CBLB: variants seen among roughly 807,000 people sequenced by gnomAD.
CBLB encodes Cbl proto-oncogene B, also known as E3 ubiquitin-protein ligase CBL-B.
CBLB carries 31 observed loss-of-function variants against 104.9 expected under a neutral mutation model. The observed-to-expected ratio is 0.30, with a 90% CI of 0.22 to 0.40. The LOEUF is 0.40. Ranked by LOEUF, CBLB falls within the 10% of genes least tolerant of loss-of-function variation. CBLB has a pLI of 1.00. For synonymous variants in CBLB, 440 were observed against 422.6 expected (o/e 1.04, Z -0.51); for missense variants, 1,062 against 1,214.6 (o/e 0.87, Z 1.87).
Position 105,867,482 on chromosome 3 carries a change from T to G in CBLB, c.96A>C (p.Ala32=). ...ILGIIDAIQD[A]VGPPKQAAAD... ...CGGCAGCTTGCTTAGGGGGTCCAAC[T>G]GCATCCTGAATAGCATCAATAATAC... The change falls in exon 2 of 19, where the codon GCA becomes GCC. Residue 32 remains alanine (A), a synonymous_variant. Coordinates refer to ENST00000394030, the MANE Select transcript of CBLB (RefSeq NM_170662.5). 6.2e-7 allele frequency: 1 copy of G among 1,614,184 alleles called. No individual in the cohort carries two copies.
At chr3:105,861,772 CCCTT>C (rs1021856775) in intron 2 of CBLB, among the ~76,000 whole-genome samples, 2 of 150,344 alleles carry the variant, frequency 1.3e-5, no homozygotes, top group Non-Finnish European at 3.0e-5. Flanking sequence ...TAACAGAACT[CCCTT>C]CCTTTTCATT....
intron 5 of CBLB, among the ~76,000 whole-genome samples, chr3:105,750,907 A>T (rs959130733): frequency 6.6e-6 from 1 of 152,200 alleles, no homozygotes; most frequent in South Asian, 2.1e-4. Context: ...ATGACAAGGG[A>T]ACTGATGAAG....
upstream of CBLB, chr3:105,869,434 C>CT (rs1706783750): frequency 7.6e-7 from 1 of 1,321,014 alleles, no homozygotes; most frequent in Admixed American, 2.3e-5. Context: ...CCTTCCTAGT[C>CT]TTTTGTTTCA....
intron 17 of CBLB, among the ~76,000 whole-genome samples, chr3:105,677,831 A>T (rs920209691): frequency 1.7e-4 from 25 of 149,280 alleles, no homozygotes; most frequent in Middle Eastern, 3.6e-3. Flanking sequence ...TACATATGTA[A>T]ATAATAATAT....
At chr3:105,821,247 G>GATAGCT (rs1560397636) in intron 3 of CBLB, among the ~76,000 whole-genome samples, 34 of 127,448 alleles carry the variant, frequency 2.7e-4, no homozygotes, top group Non-Finnish European at 4.6e-4. Flanking sequence ...TTAAAGATCA[G>GATAGCT]ATATCTATAT....
chr3:105,780,670 T>TTTTTTTTTTTTTTTG (rs1560209728), intron 3 of CBLB, among the ~76,000 whole-genome samples: 2 of 135,174 alleles, frequency 1.5e-5, no homozygotes, highest in Admixed American at 7.8e-5. Context: ...GTTTTTTTTT[T>TTTTTTTTTTTTTTTG]TTTTTTTTTT....
chr3:105,689,127 A>G (rs1225996470), intron 13 of CBLB, among the ~76,000 whole-genome samples: 1 of 151,992 alleles, frequency 6.6e-6, no homozygotes, highest in Non-Finnish European at 1.5e-5. Flanking sequence ...CTAGCTGACA[A>G]TATACAATAT....
At chr3:105,776,029 A>AT (rs940825292) in intron 4 of CBLB, among the ~76,000 whole-genome samples, 9 of 152,124 alleles carry the variant, frequency 5.9e-5, no homozygotes, top group South Asian at 4.1e-4. Flanking sequence ...TACTTATGCC[A>AT]TTTTTTAAAG....
chr3:105,777,430 G>A (rs2079614389), intron 3 of CBLB, among the ~76,000 whole-genome samples: 2 of 152,182 alleles, frequency 1.3e-5, no homozygotes. Context: ...AGAGCCCAGA[G>A]TTTGAGACCA....
intron 4 of CBLB, among the ~76,000 whole-genome samples, chr3:105,773,067 T>C (rs2152956982): frequency 6.6e-6 from 1 of 152,294 alleles, no homozygotes. Context: ...AGTCATTATA[T>C]GAAAAAGACA....
intron 14 of CBLB, among the ~76,000 whole-genome samples, chr3:105,682,749 T>C (rs1649753564): frequency 6.6e-6 from 1 of 152,100 alleles, no homozygotes; most frequent in Non-Finnish European, 1.5e-5. Context: ...GTGATCTGCC[T>C]ACCTCACCCT....
chr3:105,738,531 A>G (rs1250997867), intron 7 of CBLB, among the ~76,000 whole-genome samples: 1 of 152,074 alleles, frequency 6.6e-6, no homozygotes, highest in Non-Finnish European at 1.5e-5. Context: ...TTAAAAAAAT[A>G]TTATATAAAA....
chr3:105,839,087 C>G (rs1047321402), intron 3 of CBLB, among the ~76,000 whole-genome samples: 2 of 152,164 alleles, frequency 1.3e-5, no homozygotes, highest in Non-Finnish European at 2.9e-5. Context: ...CATGTGGATT[C>G]TGAAAGCAGA....
intron 3 of CBLB, among the ~76,000 whole-genome samples, chr3:105,847,884 T>C (rs2090480426): frequency 6.6e-6 from 1 of 152,144 alleles, no homozygotes; most frequent in Non-Finnish European, 1.5e-5. Context: ...ATACATTTGT[T>C]AGCAATGACA....
At chr3:105,779,757 G>A (rs987500561) in intron 3 of CBLB, among the ~76,000 whole-genome samples, 7 of 151,538 alleles carry the variant, frequency 4.6e-5, no homozygotes, top group Admixed American at 6.6e-5. Flanking sequence ...TAGAAAATAC[G>A]TTTTCTTTTT....
At chr3:105,819,586 GTTGTT>G (rs1273174941) in intron 3 of CBLB, among the ~76,000 whole-genome samples, 4 of 151,842 alleles carry the variant, frequency 2.6e-5, no homozygotes, top group Non-Finnish European at 5.9e-5. Flanking sequence ...GTAGTATTTT[GTTGTT>G]TTGTTTTGTT....
At chr3:105,726,917 G>T (rs1437095278) in intron 9 of CBLB, among the ~76,000 whole-genome samples, 1 of 152,178 alleles carries the variant, frequency 6.6e-6, no homozygotes, top group African/African-American at 2.4e-5. Context: ...ATTCCATGGT[G>T]TATATGTGCC....
At chr3:105,756,337 T>C (rs2077081948) in intron 4 of CBLB, among the ~76,000 whole-genome samples, 1 of 152,110 alleles carries the variant, frequency 6.6e-6, no homozygotes, top group Admixed American at 6.5e-5. Flanking sequence ...TGGCTATATA[T>C]AACTAGAAAA....
chr3:105,852,675 T>C (rs572180717), intron 3 of CBLB, among the ~76,000 whole-genome samples: 1 of 151,622 alleles, frequency 6.6e-6, no homozygotes, highest in Admixed American at 6.6e-5. Context: ...CTCACTCACT[T>C]CCAGTCTGGC....
Sources: gnomAD v4.1 joint callset for allele counts (sites outside exome capture counted in the v4.1 genomes callset) on GRCh38, gnomAD v4.1.1 for gene constraint, MANE v1.5 for transcripts, NCBI Gene and HGNC (gene_info 2026-07-23, HGNC 2026-07-21) for gene names.